The following FMN2 variants were observed in gnomAD, a reference collection of about 807,000 sequenced individuals.
FMN2 encodes the protein formin 2.
A neutral mutation model predicts 142.3 loss-of-function variants in FMN2; 51 were observed. The ratio of observed to expected loss-of-function variants is 0.36; its 90% CI spans 0.29 to 0.45. The LOEUF is 0.45. Among genes scored for constraint, FMN2 ranks in the 20% least tolerant of loss-of-function variants. The pLI is 1.00. For missense variants in FMN2, 1,936 were observed against 2,122.8 expected (o/e 0.91, Z 1.73); for synonymous variants, 882 against 869.8 (o/e 1.01, Z -0.25).
intron 13 of FMN2, among the ~76,000 whole-genome samples, chr1:240,346,585 A>G (rs1671916477): frequency 6.6e-6 from 1 of 152,168 alleles, no homozygotes. Context: ...ATTTTTCCAA[A>G]GCATTGGCTA....
rs1395151262 is a variant in FMN2 at position 240,207,096 on chromosome 1, G to C, written c.2284G>C (p.Gly762Arg). The change falls in exon 5 of 18, where the codon GGG becomes CGG. Residue 762 changes from glycine (G) to arginine (R), a missense_variant. Around this residue, in one of 8 missense-constraint regions of FMN2, gnomAD observed 478 missense variants for 462.8 expected, o/e 1.03. Coordinates refer to ENST00000319653, the MANE Select transcript of FMN2 (RefSeq NM_020066.5). The part of the protein sequence containing the change: ...GGVLTLPPVD[G>R]LPGRPPCPPG... ...GGTGCTGACACTGCCTCCTGTGGAT[G>C]GGCTGCCAGGGCGTCCTCCATGCCC... The C allele has an allele frequency of 1.2e-6, 2 of 1,614,090 alleles. No individual in the cohort carries two copies. Among genetic ancestry groups the C allele is most frequent in the South Asian group, 2.2e-5 (2 of 91,092 alleles).
intron 15 of FMN2, among the ~76,000 whole-genome samples, chr1:240,393,371 A>G (rs1341069516): frequency 1.3e-5 from 2 of 152,144 alleles, no homozygotes; most frequent in African/African-American, 4.8e-5. Flanking sequence ...TTACTATTGT[A>G]ATTGTTCTGG....
At chr1:240,370,628 C>T (rs918963208) in intron 14 of FMN2, among the ~76,000 whole-genome samples, 2 of 152,090 alleles carry the variant, frequency 1.3e-5, no homozygotes, top group South Asian at 2.1e-4. Flanking sequence ...CTTACCTCAT[C>T]GTTGTTAAGT....
chr1:240,199,193 AGGT>A (rs1666039816), intron 4 of FMN2, among the ~76,000 whole-genome samples: 2 of 152,232 alleles, frequency 1.3e-5, no homozygotes, highest in African/African-American at 2.4e-5. Context: ...AGATGTCTAG[AGGT>A]ATCCTAACCT....
chr1:240,336,582 A>AAGG (rs144682452), intron 13 of FMN2, among the ~76,000 whole-genome samples: 3 of 101,836 alleles, frequency 2.9e-5, no homozygotes, highest in Non-Finnish European at 4.1e-5. Flanking sequence ...AAAAAAAAAA[A>AAGG]GGTGGTTGCA....
At chr1:240,171,551 A>G (rs1174618860) in intron 2 of FMN2, among the ~76,000 whole-genome samples, 1 of 152,226 alleles carries the variant, frequency 6.6e-6, no homozygotes, top group Non-Finnish European at 1.5e-5. Context: ...AGACTATTGG[A>G]CAATGAAATT....
intron 8 of FMN2, among the ~76,000 whole-genome samples, chr1:240,297,359 G>A (rs185802987): frequency 6.6e-6 from 1 of 152,098 alleles, no homozygotes; most frequent in African/African-American, 2.4e-5. Context: ...ACTTTGGGAG[G>A]CCAAGGCGGG....
chr1:240,374,661 C>T (rs1025192416), intron 14 of FMN2, among the ~76,000 whole-genome samples: 16 of 152,184 alleles, frequency 1.1e-4, no homozygotes, highest in African/African-American at 3.9e-4. Flanking sequence ...CTGGATGAGG[C>T]ATTGGCTTAA....
At chr1:240,102,629 C>T (rs1264206880) in intron 1 of FMN2, among the ~76,000 whole-genome samples, 2 of 151,998 alleles carry the variant, frequency 1.3e-5, no homozygotes, top group Admixed American at 1.3e-4. Flanking sequence ...GGTTAAATGG[C>T]TTTGGGGATA....
chr1:240,374,887 T>C (rs1441923466), intron 14 of FMN2, among the ~76,000 whole-genome samples: 1 of 152,208 alleles, frequency 6.6e-6, no homozygotes, highest in Non-Finnish European at 1.5e-5. Context: ...GTCACTAAGC[T>C]TAATTATTTC....
At chr1:240,183,254 C>T (rs1368103187) in intron 3 of FMN2, among the ~76,000 whole-genome samples, 3 of 151,772 alleles carry the variant, frequency 2.0e-5, no homozygotes, top group South Asian at 2.1e-4. Context: ...AACATAAGTT[C>T]GGTTGAGATA....
At chr1:240,180,216 C>G (rs916335637) in intron 3 of FMN2, 1 of 1,254,734 alleles carries the variant, frequency 8.0e-7, no homozygotes, top group Non-Finnish European at 1.1e-6. Context: ...TTATTTTTCT[C>G]TTGTTGATCT....
chr1:240,349,112 T>C (rs1672010799), intron 13 of FMN2, among the ~76,000 whole-genome samples: 1 of 152,204 alleles, frequency 6.6e-6, no homozygotes, highest in Non-Finnish European at 1.5e-5. Context: ...GATTTTATAG[T>C]TTTTGTTCTG....
At chr1:240,470,461 G>A (rs533373048) in intron 16 of FMN2, among the ~76,000 whole-genome samples, 2 of 152,246 alleles carry the variant, frequency 1.3e-5, no homozygotes, top group Non-Finnish European at 2.9e-5. Flanking sequence ...TATCAACCAG[G>A]CAGGCATTTT....
chr1:240,161,241 T>C (rs1295284539), intron 2 of FMN2, among the ~76,000 whole-genome samples: 2 of 152,052 alleles, frequency 1.3e-5, no homozygotes, highest in African/African-American at 4.8e-5. Flanking sequence ...CTAAACTTTA[T>C]GTTGGAAGGG....
At chr1:240,293,055 G>A (rs1049303138) in intron 7 of FMN2, among the ~76,000 whole-genome samples, 4 of 152,086 alleles carry the variant, frequency 2.6e-5, no homozygotes, top group East Asian at 3.8e-4. Flanking sequence ...TTGTTTAGGA[G>A]CACATAACAT....
chr1:240,388,466 GAGAA>G (rs1673486384), intron 14 of FMN2, among the ~76,000 whole-genome samples: 1 of 152,002 alleles, frequency 6.6e-6, no homozygotes, highest in Non-Finnish European at 1.5e-5. Context: ...GGCAGAGTGT[GAGAA>G]AGACCTTGCA....
intron 2 of FMN2, among the ~76,000 whole-genome samples, chr1:240,137,040 A>T (rs1044555759): frequency 4.3e-5 from 6 of 139,212 alleles, no homozygotes; most frequent in Admixed American, 2.3e-4. Flanking sequence ...ACTGCACTCC[A>T]GCCTGGGTGA....
intron 8 of FMN2, among the ~76,000 whole-genome samples, chr1:240,309,019 G>A (rs1670507849): frequency 6.6e-6 from 1 of 152,142 alleles, no homozygotes; most frequent in Non-Finnish European, 1.5e-5. Context: ...GGCAGAAGGT[G>A]GAGAGTGAGG....
Sources: allele counts gnomAD v4.1 joint callset (sites outside exome capture counted in the v4.1 genomes callset), GRCh38; gene constraint gnomAD v4.1.1; regional missense constraint gnomAD v4.1.1; transcripts MANE v1.5; gene names NCBI Gene and HGNC (gene_info 2026-07-23, HGNC 2026-07-21).